CANX: variants seen among roughly 807,000 people sequenced by gnomAD.
CANX encodes epididymis secretory sperm binding protein.
A neutral mutation model predicts 75.7 loss-of-function variants in CANX; 14 were observed. The ratio of observed to expected loss-of-function variants is 0.19; its 90% CI spans 0.12 to 0.29. The LOEUF is 0.29. Ranked by LOEUF, CANX falls within the 10% of genes least tolerant of loss-of-function variation. The pLI, the probability that CANX is intolerant of heterozygous loss-of-function variation, is 1.00. For missense variants in CANX, 567 were observed against 713.2 expected (o/e 0.79, Z 2.34); for synonymous variants, 227 against 236.9 (o/e 0.96, Z 0.38).
intron 1 of CANX, among the ~76,000 whole-genome samples, chr5:179,690,452 T>C (rs1776280637): frequency 6.6e-6 from 1 of 151,668 alleles, no homozygotes; most frequent in South Asian, 2.1e-4. Context: ...GGTACGCACC[T>C]GTAATCCCAG....
chr5:179,688,707 A>G (rs1160258621), intron 1 of CANX, among the ~76,000 whole-genome samples: 4 of 150,752 alleles, frequency 2.7e-5, no homozygotes, highest in Non-Finnish European at 5.9e-5. Flanking sequence ...TTGGCCAGAC[A>G]TGATGGCTCA....
upstream of CANX, chr5:179,698,660 C>T (rs1375077094): frequency 9.4e-6 from 11 of 1,164,452 alleles, no homozygotes; most frequent in Non-Finnish European, 1.3e-5. Flanking sequence ...GCAACCGACG[C>T]GGGAACGCCT....
chr5:179,705,234 C>T (rs1044576274), intron 1 of CANX, among the ~76,000 whole-genome samples: 5 of 152,212 alleles, frequency 3.3e-5, no homozygotes, highest in Non-Finnish European at 7.3e-5. Context: ...CCACCTGCCT[C>T]GGCCTCCCAA....
intron 12 of CANX, among the ~76,000 whole-genome samples, chr5:179,724,276 AT>A (rs771819237): frequency 8.0e-5 from 12 of 150,912 alleles, no homozygotes; most frequent in Non-Finnish European, 1.2e-4. Flanking sequence ...AGAAAGTCTT[AT>A]TTTGGACTCT....
At position 179,720,557 on chromosome 5, in the gene CANX, C is replaced by T. The variant is rs1171186727; in HGVS notation, c.1179C>T (p.Tyr393=). Residue 393 remains tyrosine (Y), a synonymous_variant, in exon 10 of 15, where the codon TAC becomes TAT. Coordinates refer to ENST00000247461, the MANE Select transcript of CANX (RefSeq NM_001746.4). ...WKPPMIDNPS[Y]QGIWKPRKIP... ...CTCCTATGATTGACAATCCCAGTTACCAGGTTTGTGCCTCTTGATGGTTGA... is the reference window on the plus strand; with the variant it reads ...CTCCTATGATTGACAATCCCAGTTATCAGGTTTGTGCCTCTTGATGGTTGA... The T allele has an allele frequency of 3.1e-6, 5 of 1,613,568 alleles. No individual in the cohort carries two copies. Among genetic ancestry groups the T allele is most frequent in the Admixed American group, 1.7e-5 (1 of 59,986 alleles).
intron 1 of CANX, among the ~76,000 whole-genome samples, chr5:179,689,077 C>A (rs545406982): frequency 6.6e-6 from 1 of 152,048 alleles, no homozygotes; most frequent in East Asian, 1.9e-4. Context: ...GGTGAAACCC[C>A]CTCCCTACTA....
Position 179,723,689 on chromosome 5 carries a change from A to C in CANX, c.1428A>C (p.Ala476=), listed in dbSNP as rs774784788. ...EPGVVGQMIE[A]AEERPWLWVV... ...GCGTTGTGGGGCAGATGATCGAGGCAGCTGAAGAGCGCCCGTGGCTGTGGG... is the reference window on the plus strand; with the variant it reads ...GCGTTGTGGGGCAGATGATCGAGGCCGCTGAAGAGCGCCCGTGGCTGTGGG... Residue 476 remains alanine, a synonymous_variant, in exon 12 of 15, where the codon GCA becomes GCC. Transcript: ENST00000247461. The C allele has an allele frequency of 4.3e-6, 7 of 1,613,840 alleles. No individual in the cohort carries two copies. Among genetic ancestry groups the C allele is most frequent in the Non-Finnish European group, 5.9e-6 (7 of 1,179,970 alleles).
intron 7 of CANX, among the ~76,000 whole-genome samples, chr5:179,711,229 G>A (rs73338149): frequency 0.021 from 3,213 of 152,076 alleles, 138 homozygotes; most frequent in African/African-American, 0.074. Flanking sequence ...TTCCAAACCA[G>A]CCTGACAACA....
At chr5:179,681,730 T>C (rs915527678) in intron 1 of CANX, among the ~76,000 whole-genome samples, 3 of 151,518 alleles carry the variant, frequency 2.0e-5, no homozygotes, top group Non-Finnish European at 4.4e-5. Context: ...AGGAAGATAA[T>C]AGGATAGATG....
intron 7 of CANX, among the ~76,000 whole-genome samples, chr5:179,712,090 TC>T (rs1291717146): frequency 7.2e-6 from 1 of 139,292 alleles, no homozygotes. Flanking sequence ...ACAGTGAGAC[TC>T]CGTCCCCCAC....
intron 1 of CANX, among the ~76,000 whole-genome samples, chr5:179,687,294 G>A (rs374513329): frequency 6.6e-6 from 1 of 151,736 alleles, no homozygotes; most frequent in Admixed American, 6.6e-5. Context: ...CAGTAGAGAC[G>A]GGGTTTCACC....
chr5:179,702,495 C>A (rs1415151959), intron 1 of CANX, among the ~76,000 whole-genome samples: 2 of 149,366 alleles, frequency 1.3e-5, no homozygotes, highest in African/African-American at 2.5e-5. Flanking sequence ...CTTCAAAGTT[C>A]ATCCATGTTA....
intron 6 of CANX, among the ~76,000 whole-genome samples, chr5:179,709,391 G>C (rs1358954888): frequency 1.3e-5 from 2 of 151,646 alleles, no homozygotes; most frequent in Non-Finnish European, 2.9e-5. Context: ...TCCAGCCTGG[G>C]CGACAGAGCG....
chr5:179,694,686 T>C (rs1296023695), upstream of CANX: 1 of 726,062 alleles, frequency 1.4e-6, no homozygotes, highest in South Asian at 1.4e-5. Context: ...GTTTGATGGC[T>C]CAAAGCGTCC....
intron 1 of CANX, among the ~76,000 whole-genome samples, chr5:179,683,907 A>C (rs1776136052): frequency 6.6e-6 from 1 of 152,148 alleles, no homozygotes; most frequent in South Asian, 2.1e-4. Flanking sequence ...TGTTGCATTT[A>C]TTAACAGTTC....
At chr5:179,724,359 T>G (rs997461560) in intron 12 of CANX, among the ~76,000 whole-genome samples, 6 of 152,236 alleles carry the variant, frequency 3.9e-5, no homozygotes, top group African/African-American at 9.7e-5. Flanking sequence ...AAGTTCCTTT[T>G]CCAGCCTCAG....
rs764030651 is a variant in CANX at position 179,726,746 on chromosome 5, A to G, written c.1712A>G (p.Lys571Arg). ...GTCAGTCAAGAGGAGGAAGACAGAA[A>G]ACCTAAAGCAGAGGTAAAGGAAAGG... Reference protein sequence around the residue: ...GTVSQEEEDRKPKAEEDEILN... With the variant: ...GTVSQEEEDRRPKAEEDEILN... Residue 571 changes from lysine to arginine, a missense_variant, in exon 14 of 15, where the codon AAA (lysine) becomes AGA (arginine). By Grantham distance (26) the Lys-to-Arg change is conservative (BLOSUM62 2). Coordinates refer to ENST00000247461, the MANE Select transcript of CANX (RefSeq NM_001746.4). The G allele has an allele frequency of 2.5e-6, 4 of 1,612,496 alleles. No homozygotes were observed. Among genetic ancestry groups the G allele is most frequent in the Non-Finnish European group, 3.4e-6 (4 of 1,178,510 alleles).
At chr5:179,720,796 A>T (rs1449537565) in intron 10 of CANX, among the ~76,000 whole-genome samples, 3 of 151,742 alleles carry the variant, frequency 2.0e-5, no homozygotes, top group African/African-American at 7.3e-5. Context: ...TTATTTATTT[A>T]TTTTTGAGAT....
intron 1 of CANX, among the ~76,000 whole-genome samples, chr5:179,691,153 G>T (rs979356413): frequency 6.6e-6 from 1 of 151,800 alleles, no homozygotes; most frequent in African/African-American, 2.4e-5. Flanking sequence ...AGCCTCCCGA[G>T]TAGCTGGGAT....
Sources: allele counts gnomAD v4.1 joint callset (sites outside exome capture counted in the v4.1 genomes callset), GRCh38; gene constraint gnomAD v4.1.1; transcripts MANE v1.5; gene names NCBI Gene and HGNC (gene_info 2026-07-23, HGNC 2026-07-21).